The following PRDM11 variants were observed in gnomAD, a reference collection of about 807,000 sequenced individuals.
PRDM11 encodes PR domain-containing protein 11.
A neutral mutation model predicts 97.8 loss-of-function variants in PRDM11; 20 were observed. The observed-to-expected ratio is 0.20, with a 90% CI of 0.14 to 0.30. PRDM11 has a LOEUF of 0.30. PRDM11 is among the 10% of genes least tolerant of loss of function. The pLI, the probability that PRDM11 is intolerant of heterozygous loss-of-function variation, is 1.00. For missense variants in PRDM11, 1,139 were observed against 1,555.2 expected, an observed-to-expected ratio of 0.73 and a Z score of 4.50; for synonymous variants, 599 against 637.7, an observed-to-expected ratio of 0.94 and a Z score of 0.91.
rs577240462 is a variant in PRDM11, at chr11:45,110,870, G to A, written c.96+14969G>A. On this transcript the variant is annotated intron_variant, in intron 1 of 6. Coordinates refer to the PRDM11 transcript ENST00000530656. ...GAAACCACTGGTTCTGCTCCTGGGT[G>A]GCAGAAAACTTGGAGAAGACAATCA... Among the ~76,000 whole-genome samples the A allele has an allele frequency of 3.3e-5, 5 of 152,290 alleles. No individual in the cohort carries two copies. The East Asian group carries it at 9.7e-4, about 29-fold the overall frequency.
chr11:45,135,128 ACTCTCTCTCT>A (rs58588988), intron 1 of PRDM11, among the ~76,000 whole-genome samples: 8 of 148,928 alleles, frequency 5.4e-5, no homozygotes, highest in Admixed American at 1.3e-4. Flanking sequence ...TTTTAATTAT[ACTCTCTCTCT>A]CTCTCTCTCT....
chr11:45,100,019 A>T lies in PRDM11; in HGVS notation c.96+4118A>T, dbSNP rs1590335484. On this transcript the variant is annotated intron_variant, in intron 1 of 6. Transcript: ENST00000530656. ...GCAGGTGCAGTGACAGCAGGGAGGG[A>T]TGCTAGCTAATGTCGGGAAACCAAA... Among the ~76,000 whole-genome samples the T allele has an allele frequency of 2.6e-5, 4 of 152,172 alleles. No homozygotes were observed. The South Asian group carries it at 8.3e-4, about 31-fold the overall frequency.
rs550122408 is a variant in PRDM11 at position 45,133,129 on chromosome 11, C to T, written c.96+37228C>T. Reference sequence around the variant, plus strand: ...ACCTTTAAACAATAAAAATATTTAACTCTGCCTTCTCTTTCTAACACTTTT... The same window carrying T: ...ACCTTTAAACAATAAAAATATTTAATTCTGCCTTCTCTTTCTAACACTTTT... On this transcript the variant is annotated intron_variant, in intron 1 of 6. Transcript: ENST00000530656. 3.1e-4 allele frequency among the ~76,000 whole-genome samples: 47 copies of T among 152,334 alleles called. 1 individual carries two copies. In the East Asian group the frequency reaches 8.1e-3, roughly 26 times the overall value.
chr11:45,110,587 G>C (rs1320233495), intron 1 of PRDM11, among the ~76,000 whole-genome samples: 1 of 152,238 alleles, frequency 6.6e-6, no homozygotes, highest in African/African-American at 2.4e-5. Flanking sequence ...TGCCCAGAAA[G>C]AGGACAGGCC....
Position 45,224,631 on chromosome 11 carries a change from C to T in PRDM11, c.1157C>T (p.Ser386Leu). 2 of 1,614,182 alleles carry T rather than the reference C, an allele frequency of 1.2e-6. No homozygotes were observed. The highest frequency in any genetic ancestry group is 1.1e-5 in the South Asian group (1 of 91,078). The change falls in exon 7 of 8, where the codon TCA (serine) becomes TTA (leucine). Residue 386 changes from serine (S) to leucine (L), a missense_variant. By Grantham distance (145) the Ser-to-Leu change is moderately radical (BLOSUM62 -2). Transcript: ENST00000683152. ...GQLEDEEEEP[S>L]SFKADSPAEA... Reference sequence around the variant, plus strand: ...TTGGAGGATGAAGAAGAGGAGCCTTCATCATTCAAGGCCGACAGTCCTGCC... The same window carrying T: ...TTGGAGGATGAAGAAGAGGAGCCTTTATCATTCAAGGCCGACAGTCCTGCC...
intron 1 of PRDM11, among the ~76,000 whole-genome samples, chr11:45,102,629 C>CT (rs1851997408): frequency 6.6e-6 from 1 of 152,014 alleles, no homozygotes; most frequent in Non-Finnish European, 1.5e-5. Context: ...TCCAGCCCCC[C>CT]TTGCACCGTG....
At chr11:45,178,043 C>A (rs1323826318) in intron 1 of PRDM11, among the ~76,000 whole-genome samples, 1 of 152,204 alleles carries the variant, frequency 6.6e-6, no homozygotes, top group Non-Finnish European at 1.5e-5. Flanking sequence ...ACTTTGCCCA[C>A]AGGGGGTGGT....
rs371239644 is a variant in PRDM11 at position 45,228,265 on chromosome 11, T to TTATATA, written c.*121_*126dup. 6.6e-3 allele frequency: 788 copies of TTATATA among 119,450 alleles called. 7 individuals are homozygous for TTATATA. Among genetic ancestry groups the TTATATA allele is most frequent in the Admixed American group, 0.015 (142 of 9,754 alleles). The allele number at this position is 119,450 out of a possible 1,614,324, so 7.4% of individuals were successfully genotyped here. ...ATATATTATATTATATTATATTATATTATATATATATATATATATAAACTC... is the reference window on the plus strand; with the variant it reads ...ATATATTATATTATATTATATTATATTATATATATATATATATATATATATAAACTC... On this transcript the variant is annotated 3_prime_UTR_variant, in exon 8 of 8. Transcript: ENST00000683152.
chr11:45,224,204 T>G lies in PRDM11; in HGVS notation c.743-13T>G. ...TTTTCCCCATTTCCTTACACCCTGGTTTTCCTTCCTAGGAGAGAAGAGGTT... is the reference window on the plus strand; with the variant it reads ...TTTTCCCCATTTCCTTACACCCTGGGTTTCCTTCCTAGGAGAGAAGAGGTT... On this transcript the variant is annotated splice_polypyrimidine_tract_variant and intron_variant, in intron 6 of 7. Coordinates refer to ENST00000683152, the MANE Select transcript of PRDM11 (RefSeq NM_001384648.1). The G allele has an allele frequency of 6.4e-7, 1 of 1,551,422 alleles. No individual in the cohort carries two copies. Among genetic ancestry groups the G allele is most frequent in the Non-Finnish European group, 8.7e-7 (1 of 1,154,234 alleles).
In PRDM11 at chr11:45,232,817, C is replaced by G. The variant is rs549213343; in HGVS notation, c.*4658C>G. On this transcript the variant is annotated 3_prime_UTR_variant, in exon 8 of 8. Transcript: ENST00000683152. ...ATGGTGCTGTGATATTTTTAAGGAG[C>G]CTTTCAGGCAATGTTTGCATGTTAG... is the stretch of plus-strand genomic sequence containing the variant. 1.3e-5 allele frequency: 2 copies of G among 152,262 alleles called. No individual in the cohort carries two copies. The highest frequency in any genetic ancestry group is 2.1e-4 in the South Asian group (1 of 4,820). 9.4% of individuals were successfully genotyped at this position (152,262 alleles called of 1,614,324 possible).
intron 1 of PRDM11, among the ~76,000 whole-genome samples, chr11:45,176,560 G>A (rs1852332750): frequency 6.6e-6 from 1 of 152,188 alleles, no homozygotes; most frequent in South Asian, 2.1e-4. Context: ...CCAGGTAGGC[G>A]TGGTTAATGC....
At chr11:45,211,433 C>T (rs989234677) in intron 5 of PRDM11, among the ~76,000 whole-genome samples, 1 of 152,172 alleles carries the variant, frequency 6.6e-6, no homozygotes, top group African/African-American at 2.4e-5. Context: ...CCACAGGGAT[C>T]AGCCCATACC....
chr11:45,162,970 AT>A (rs1252760485), intron 1 of PRDM11, among the ~76,000 whole-genome samples: 2 of 152,172 alleles, frequency 1.3e-5, no homozygotes, highest in African/African-American at 2.4e-5. Flanking sequence ...GTGTGGTGAT[AT>A]TTGGAAGTGC....
At chr11:45,122,850 C>T (rs1487109012) in intron 1 of PRDM11, among the ~76,000 whole-genome samples, 2 of 152,102 alleles carry the variant, frequency 1.3e-5, no homozygotes, top group African/African-American at 4.8e-5. Flanking sequence ...CCTTTGGGTA[C>T]ATACCCAGTA....
rs530695007 is a variant in PRDM11 at position 45,234,501 on chromosome 11, C to T, written c.*6342C>T. On this transcript the variant is annotated 3_prime_UTR_variant, in exon 8 of 8. Transcript: ENST00000683152. ...GCTGCCAACTGGGTCTTGGGACACC[C>T]TCCAGTACCTGGCTCAAGAGAGACC... The T allele has an allele frequency of 6.6e-6, 1 of 152,524 alleles. No individual in the cohort carries two copies. The highest frequency in any genetic ancestry group is 1.9e-4 in the East Asian group (1 of 5,178). 9.4% of individuals were successfully genotyped at this position (152,524 alleles called of 1,614,324 possible). A position where few individuals can be genotyped will look rare whatever the true frequency, so the allele number is the denominator to read the frequency against.
At chr11:45,146,290 A>G (rs796384486), upstream of PRDM11, among the ~76,000 whole-genome samples, 21 of 152,360 alleles carry the variant, frequency 1.4e-4, no homozygotes, top group Middle Eastern at 3.4e-3. Flanking sequence ...CCAAATGGAC[A>G]GCCACGCGAC....
chr11:45,164,748 C>T (rs1304240440), intron 1 of PRDM11, among the ~76,000 whole-genome samples: 1 of 152,148 alleles, frequency 6.6e-6, no homozygotes, highest in Non-Finnish European at 1.5e-5. Flanking sequence ...GTTTTGACCT[C>T]GATGGTGGGA....
chr11:45,144,995 G>A (rs1019717899), upstream of PRDM11, among the ~76,000 whole-genome samples: 2 of 143,766 alleles, frequency 1.4e-5, no homozygotes, highest in African/African-American at 2.5e-5. Context: ...CCCAACCCCC[G>A]TCCCCCAGTA....
intron 4 of PRDM11, among the ~76,000 whole-genome samples, chr11:45,203,996 A>T (rs1055401119): frequency 4.6e-5 from 7 of 152,246 alleles, no homozygotes; most frequent in Non-Finnish European, 1.0e-4. Context: ...AACTGCAGAA[A>T]ATCAAGAGTA....
Sources: gnomAD v4.1 joint callset for allele counts (sites outside exome capture counted in the v4.1 genomes callset) on GRCh38, gnomAD v4.1.1 for gene constraint, MANE v1.5 for transcripts, NCBI Gene and HGNC (gene_info 2026-07-23, HGNC 2026-07-21) for gene names.